Variants in ZMIZ1 observed in about 807,000 individuals in gnomAD.
ZMIZ1 encodes zinc finger MIZ-type containing 1.
In ZMIZ1, 17 loss-of-function variants were observed where a neutral mutation model predicts 113.9. The observed-to-expected ratio is 0.15, with a 90% CI of 0.10 to 0.22. The LOEUF is 0.22. ZMIZ1 is among the 10% of genes least tolerant of loss of function. The pLI is 1.00. For synonymous variants in ZMIZ1, 607 were observed against 603.1 expected, an observed-to-expected ratio of 1.01 and a Z score of -0.09; for missense variants, 1,059 against 1,477.8, an observed-to-expected ratio of 0.72 and a Z score of 4.65.
At chr10:79,216,717 A>G (rs1444203814) in intron 7 of ZMIZ1, among the ~76,000 whole-genome samples, 3 of 152,240 alleles carry the variant, frequency 2.0e-5, no homozygotes, top group Non-Finnish European at 4.4e-5. Context: ...CTAGGCCTGT[A>G]CTTCAGAGTC....
intron 7 of ZMIZ1, among the ~76,000 whole-genome samples, chr10:79,260,297 G>A (rs1327639087): frequency 6.6e-6 from 1 of 152,218 alleles, no homozygotes; most frequent in African/African-American, 2.4e-5. Context: ...TGGAGGGAGG[G>A]GAATCAGGAC....
intron 5 of ZMIZ1, among the ~76,000 whole-genome samples, chr10:79,202,189 G>GAAAA (rs58021590): frequency 0.011 from 579 of 52,072 alleles, no homozygotes; most frequent in Middle Eastern, 0.015. Flanking sequence ...CCCTGTCTCA[G>GAAAA]AAAAAAAAAA....
intron 4 of ZMIZ1, among the ~76,000 whole-genome samples, chr10:79,181,394 G>C (rs910632666): frequency 6.6e-6 from 1 of 152,232 alleles, no homozygotes; most frequent in Non-Finnish European, 1.5e-5. Flanking sequence ...TTGTAGCCTT[G>C]TCCTCCTGCC....
At chr10:79,150,301 A>T (rs1845661861) in intron 3 of ZMIZ1, among the ~76,000 whole-genome samples, 1 of 152,144 alleles carries the variant, frequency 6.6e-6, no homozygotes, top group Admixed American at 6.5e-5. Context: ...TTCCCATGAG[A>T]GCTGCTGCCA....
intron 7 of ZMIZ1, among the ~76,000 whole-genome samples, chr10:79,253,767 T>C (rs1209513699): frequency 6.6e-6 from 1 of 152,196 alleles, no homozygotes; most frequent in Non-Finnish European, 1.5e-5. Context: ...GAGAGGCCCC[T>C]GAGCAAAGGA....
chr10:79,265,119 G>C (rs547111074), intron 7 of ZMIZ1, among the ~76,000 whole-genome samples: 1 of 152,158 alleles, frequency 6.6e-6, no homozygotes, highest in Non-Finnish European at 1.5e-5. Flanking sequence ...CACACGCCTC[G>C]AGGCTCCCAG....
At chr10:79,273,273 C>A (rs1852058134) in intron 7 of ZMIZ1, among the ~76,000 whole-genome samples, 1 of 152,172 alleles carries the variant, frequency 6.6e-6, no homozygotes, top group Admixed American at 6.5e-5. Flanking sequence ...GCTCTGCAGG[C>A]CCCCTCCTGA....
chr10:79,290,634 A>C, intron 9 of ZMIZ1: 5 of 508,208 alleles, frequency 9.8e-6, no homozygotes, highest in East Asian at 4.6e-5. Context: ...CCCCACGGGT[A>C]CCTGGTACAA....
Position 79,316,336 on chromosome 10 carries a change from C to T in ZMIZ1, c.*3587C>T, listed in dbSNP as rs905360882. 8 of 152,742 alleles carry T rather than the reference C, an allele frequency of 5.2e-5. No individual in the cohort carries two copies. The highest frequency in any genetic ancestry group is 2.6e-4 in the Admixed American group (4 of 15,292). The allele number at this position is 152,742 out of a possible 1,614,324, so 9.5% of individuals were successfully genotyped here. A position where few individuals can be genotyped will look rare whatever the true frequency, so the allele number is the denominator to read the frequency against. On this transcript the variant is annotated 3_prime_UTR_variant, in exon 25 of 25. Transcript: ENST00000334512. ...GTATGTAGTTAGATGATGTGACAAC[C>T]TCTAATATTTATCTAATAAATATGT...
intron 7 of ZMIZ1, among the ~76,000 whole-genome samples, chr10:79,233,032 T>G (rs1025523342): frequency 1.6e-4 from 24 of 152,338 alleles, no homozygotes; most frequent in African/African-American, 4.8e-4. Context: ...CACCAAGGCC[T>G]CTGTCAGTAC....
intron 19 of ZMIZ1, among the ~76,000 whole-genome samples, 171 bp from the exon 20 acceptor site, chr10:79,304,993 T>C (rs978670371): frequency 1.3e-5 from 2 of 152,148 alleles, no homozygotes; most frequent in South Asian, 4.1e-4. Context: ...GCATAAGGAC[T>C]CTGCGTGGCA....
chr10:79,305,969 G>A (rs891452494), intron 21 of ZMIZ1, 131 bp from the exon 22 acceptor site: 37 of 1,394,356 alleles, frequency 2.7e-5, no homozygotes, highest in East Asian at 2.6e-4. Context: ...CTTCCGCCTC[G>A]TCCACAGTGT....
intron 13 of ZMIZ1, among the ~76,000 whole-genome samples, chr10:79,297,404 C>A (rs928737821): frequency 6.6e-6 from 1 of 152,218 alleles, no homozygotes; most frequent in African/African-American, 2.4e-5. Flanking sequence ...ATTTTTGTAA[C>A]TTCTGCTAAA....
chr10:79,167,600 G>T (rs1206168365), intron 4 of ZMIZ1, among the ~76,000 whole-genome samples: 1 of 152,124 alleles, frequency 6.6e-6, no homozygotes, highest in Non-Finnish European at 1.5e-5. Flanking sequence ...GAGGAAAGGC[G>T]ATGTGAGCAA....
chr10:79,276,916 C>T (rs901721139), intron 7 of ZMIZ1, among the ~76,000 whole-genome samples: 15 of 152,142 alleles, frequency 9.9e-5, no homozygotes, highest in Non-Finnish European at 1.9e-4. Context: ...TTTGCCTCCA[C>T]GGACCACTAC....
In ZMIZ1 at chr10:79,134,205, C is replaced by T. The variant is rs572646243; in HGVS notation, c.-226-5477C>T. Among the ~76,000 whole-genome samples the T allele has an allele frequency of 1.0e-3, 159 of 152,166 alleles. 1 individual carries two copies. Among genetic ancestry groups the T allele is most frequent in the African/African-American group, 3.7e-3 (155 of 41,516 alleles). ...CACCAGATGCCACTGGGGCTCAGGGCGGGGTAGGGGGAAGGTGCTGCAGTC... is the reference window on the plus strand; with the variant it reads ...CACCAGATGCCACTGGGGCTCAGGGTGGGGTAGGGGGAAGGTGCTGCAGTC... On this transcript the variant is annotated intron_variant, in intron 2 of 24. Coordinates refer to ENST00000334512, the MANE Select transcript of ZMIZ1 (RefSeq NM_020338.4).
rs188401419 is a variant in ZMIZ1 at position 79,114,952 on chromosome 10, C to A, written c.-336-3963C>A. On this transcript the variant is annotated intron_variant, in intron 1 of 24. Coordinates refer to ENST00000334512, the MANE Select transcript of ZMIZ1 (RefSeq NM_020338.4). Reference sequence around the variant, plus strand: ...AAACTTTCCAGATGCAGAGCATCACCTGGGAGGACTTGCTAAAAATTTAAA... The same window carrying A: ...AAACTTTCCAGATGCAGAGCATCACATGGGAGGACTTGCTAAAAATTTAAA... 3.4e-3 allele frequency among the ~76,000 whole-genome samples: 511 copies of A among 152,298 alleles called. 4 individuals carry two copies. The highest frequency in any genetic ancestry group is 6.3e-3 in the Non-Finnish European group (427 of 68,030).
At chr10:79,113,337 A>G (rs1236470430) in intron 1 of ZMIZ1, among the ~76,000 whole-genome samples, 1 of 152,220 alleles carries the variant, frequency 6.6e-6, no homozygotes, top group African/African-American at 2.4e-5. Context: ...GGTCTGCGTC[A>G]TACTGGCTTA....
chr10:79,080,088 T>G (rs1842607098), intron 1 of ZMIZ1, among the ~76,000 whole-genome samples: 1 of 152,190 alleles, frequency 6.6e-6, no homozygotes, highest in Non-Finnish European at 1.5e-5. Flanking sequence ...CCGGCCACTC[T>G]GTAATTGTGC....
Sources: allele counts gnomAD v4.1 joint callset (sites outside exome capture counted in the v4.1 genomes callset), GRCh38; gene constraint gnomAD v4.1.1; transcripts MANE v1.5; gene names NCBI Gene and HGNC (gene_info 2026-07-23, HGNC 2026-07-21).